Variants in ALDH6A1 observed in about 807,000 individuals in gnomAD.
ALDH6A1 encodes aldehyde dehydrogenase 6 family member A1, also known as methylmalonate-semialdehyde/malonate-semialdehyde dehydrogenase [acylating], mitochondrial.
In ALDH6A1, 43 loss-of-function variants were observed where a neutral mutation model predicts 62.6. The observed-to-expected ratio is 0.69, with a 90% confidence interval of 0.54 to 0.89. ALDH6A1 has a LOEUF of 0.89. Ranked by LOEUF, ALDH6A1 falls within the 40% of genes least tolerant of loss-of-function variation. The probability of loss-of-function intolerance (pLI) is 0.00; values close to 1 mark genes in which losing one functional copy is unlikely to be tolerated. For missense variants in ALDH6A1, 551 were observed against 661.3 expected (o/e 0.83, Z 1.83); for synonymous variants, 194 against 234.2 (o/e 0.83, Z 1.57).
At chr14:74,073,711 G>A (rs998569805) in intron 2 of ALDH6A1, among the ~76,000 whole-genome samples, 2 of 151,884 alleles carry the variant, frequency 1.3e-5, no homozygotes, top group African/African-American at 4.8e-5. Flanking sequence ...GAAGTCAGGA[G>A]TTCTAGACCA....
intron 7 of ALDH6A1, among the ~76,000 whole-genome samples, 188 bp downstream of exon 7, chr14:74,068,672 G>A (rs1381467905): frequency 2.6e-5 from 4 of 152,044 alleles, no homozygotes; most frequent in African/African-American, 9.7e-5. Context: ...GAACCCGGGA[G>A]GCAGAGGTTG....
chr14:74,068,934 C>G lies in ALDH6A1; in HGVS notation c.778G>C (p.Val260Leu), dbSNP rs150419704. ...TACTCTCCTGCCTTGTTGGATCCCA[C>G]AAAGCTGATTGCTTTGATGTCCGGA... ...DHPDIKAISF[V>L]GSNKAGEYIF... is the part of the protein sequence containing the mutation. The change falls in exon 7 of 12, where the codon GTG (valine) becomes CTG (leucine). Residue 260 changes from valine to leucine, a missense_variant. Physicochemically the swap from Val to Leu is conservative, Grantham distance 32. Transcript: ENST00000553458. 17 of 1,613,894 alleles carry G rather than the reference C, an allele frequency of 1.1e-5. No individual in the cohort carries two copies. In the African/African-American group the frequency reaches 2.3e-4, roughly 22 times the overall value.
intron 6 of ALDH6A1, among the ~76,000 whole-genome samples, chr14:74,069,662 A>C (rs2060521868): frequency 6.6e-6 from 1 of 151,842 alleles, no homozygotes; most frequent in South Asian, 2.1e-4. Flanking sequence ...CTGAGGCAGG[A>C]GAATTGCTTG....
At chr14:74,083,958 G>C (rs1413555004) in intron 1 of ALDH6A1, among the ~76,000 whole-genome samples, 1 of 152,214 alleles carries the variant, frequency 6.6e-6, no homozygotes, top group Non-Finnish European at 1.5e-5. Flanking sequence ...AGGGGACAGA[G>C]TAACCAAAAA....
chr14:74,081,007 T>A (rs1369027746), intron 1 of ALDH6A1: 1 of 152,288 alleles, frequency 6.6e-6, no homozygotes, highest in African/African-American at 2.4e-5. Context: ...TTGCACATGC[T>A]GCTCTCTCTT....
intron 1 of ALDH6A1, 74 bp downstream of exon 1, chr14:74,084,273 G>A (rs868612777): frequency 3.1e-6 from 5 of 1,606,768 alleles, no homozygotes; most frequent in Non-Finnish European, 4.2e-6. Context: ...GGTCCCGCCC[G>A]AGGATGGCTC....
intron 1 of ALDH6A1, among the ~76,000 whole-genome samples, chr14:74,080,300 T>C (rs2060657752): frequency 6.6e-6 from 1 of 152,072 alleles, no homozygotes; most frequent in Admixed American, 6.6e-5. Flanking sequence ...TATACCATCA[T>C]TGTCTCTCAC....
At chr14:74,075,666 A>C (rs2060604872) in intron 1 of ALDH6A1, among the ~76,000 whole-genome samples, 1 of 152,148 alleles carries the variant, frequency 6.6e-6, no homozygotes, top group Non-Finnish European at 1.5e-5. Context: ...CAAAAAAAAA[A>C]ATCAATGTAA....
At chr14:74,075,580 C>A (rs1468509) in intron 1 of ALDH6A1, among the ~76,000 whole-genome samples, 8 of 151,492 alleles carry the variant, frequency 5.3e-5, no homozygotes, top group African/African-American at 1.5e-4. Flanking sequence ...TTGCTTCAGC[C>A]CGGGAGGGTG....
Position 74,057,007 on chromosome 14 carries a change from A to C in ALDH6A1, c.*3635T>G, listed in dbSNP as rs1296609223. 1 of 1,600,306 alleles carries C rather than the reference A, an allele frequency of 6.2e-7. No homozygotes were observed. The highest frequency in any genetic ancestry group is 1.3e-5 in the African/African-American group (1 of 74,562). ...TAAGAGCTCTCTTGCTTAAGTAATA[A>C]ACATGAGCCCAACACGATGGTTCTT... On this transcript the variant is annotated 3_prime_UTR_variant, in exon 12 of 12. Transcript: ENST00000553458.
chr14:74,066,609 G>T, intron 9 of ALDH6A1, 96 bp downstream of exon 9: 1 of 1,223,906 alleles, frequency 8.2e-7, no homozygotes, highest in Non-Finnish European at 1.2e-6. Context: ...TAAGGTCTTA[G>T]TCATTAAGTA....
chr14:74,057,382 AT>A lies in ALDH6A1; in HGVS notation c.*3259del, dbSNP rs1566820028. 1 of 1,552,642 alleles carries A rather than the reference AT, an allele frequency of 6.4e-7. No individual in the cohort carries two copies. ...ACTTCAGGGATCAGTGGAATGAGTA[AT>A]AAATAGCATTAGTAGATTACATAAA... On this transcript the variant is annotated 3_prime_UTR_variant, in exon 12 of 12. Coordinates refer to ENST00000553458, the MANE Select transcript of ALDH6A1 (RefSeq NM_005589.4).
rs934574464 is a variant in ALDH6A1 at position 74,069,048 on chromosome 14, C to T, written c.731-67G>A. On this transcript the variant is annotated intron_variant, in intron 6 of 11. Transcript: ENST00000553458. ...GGATTCTCAACATGGCAAATTTCCC[C>T]TTTCCCCACTGCTATGGATTTGAAG... is the stretch of plus-strand genomic sequence containing the variant. 2.4e-5 allele frequency: 36 copies of T among 1,503,104 alleles called. No individual in the cohort carries two copies. The African/African-American group carries it at 4.0e-4, about 17-fold the overall frequency. The allele number at this position is 1,503,104 out of a possible 1,614,324, so 93.1% of individuals were successfully genotyped here.
Position 74,084,433 on chromosome 14 carries a change from C to A in ALDH6A1, c.-39G>T, listed in dbSNP as rs900361560. On this transcript the variant is annotated 5_prime_UTR_variant, in exon 1 of 12. Coordinates refer to ENST00000553458, the MANE Select transcript of ALDH6A1 (RefSeq NM_005589.4). ...CCTAGCTCCGCACCCCGCGCCTCTA[C>A]TGCCCAGAAGCACTACAGCTGCCAG... The A allele has an allele frequency of 3.7e-6, 6 of 1,610,392 alleles. No individual in the cohort carries two copies. Among genetic ancestry groups the A allele is most frequent in the Admixed American group, 1.7e-5 (1 of 59,794 alleles).
chr14:74,065,127 T>C, intron 10 of ALDH6A1, 54 bp downstream of exon 10: 2 of 1,598,284 alleles, frequency 1.3e-6, no homozygotes, highest in Non-Finnish European at 1.7e-6. Flanking sequence ...TACTGTTTCC[T>C]CTTAGGAAAT....
chr14:74,079,770 T>C (rs2060653253), intron 1 of ALDH6A1, among the ~76,000 whole-genome samples: 1 of 152,152 alleles, frequency 6.6e-6, no homozygotes, highest in Admixed American at 6.5e-5. Context: ...GGTTTTGTCA[T>C]GTTGGCCAGG....
chr14:74,067,442 C>G lies in ALDH6A1; in HGVS notation c.980G>C (p.Gly327Ala). 6.2e-7 allele frequency: 1 copy of G among 1,614,136 alleles called. No homozygotes were observed. Among genetic ancestry groups the G allele is most frequent in the Non-Finnish European group, 8.5e-7 (1 of 1,180,044 alleles). Residue 327 changes from glycine (G) to alanine (A), a missense_variant, in exon 8 of 12, where the codon GGA becomes GCA. Gly to Ala is a moderately conservative substitution (Grantham distance 60). Coordinates refer to ENST00000553458, the MANE Select transcript of ALDH6A1 (RefSeq NM_005589.4). ...CMALSTAVLV[G>A]EAKKWLPELV... ...CTCTGGCAGCCACTTCTTGGCTTCTCCCACAAGGACTGCTGTTGAAAGAGC... is the reference window on the plus strand; with the variant it reads ...CTCTGGCAGCCACTTCTTGGCTTCTGCCACAAGGACTGCTGTTGAAAGAGC...
chr14:74,062,085 G>A (rs999633313), intron 11 of ALDH6A1, among the ~76,000 whole-genome samples: 8 of 147,158 alleles, frequency 5.4e-5, no homozygotes, highest in African/African-American at 2.0e-4. Flanking sequence ...AAAAAAGCTG[G>A]GCGTGGTGGA....
At position 74,060,305 on chromosome 14, in the gene ALDH6A1, AT is replaced by A; in HGVS notation, c.*336del. The A allele has an allele frequency of 3.5e-6, 1 of 289,776 alleles. No individual in the cohort carries two copies. Among genetic ancestry groups the A allele is most frequent in the African/African-American group, 2.2e-5 (1 of 46,262 alleles). 18.0% of individuals were successfully genotyped at this position (289,776 alleles called of 1,614,324 possible). On this transcript the variant is annotated 3_prime_UTR_variant, in exon 12 of 12. Coordinates refer to ENST00000553458, the MANE Select transcript of ALDH6A1 (RefSeq NM_005589.4). ...GTGAGCCACCGCGCCTGGCTGGAACATTTTCTTTACATACACTGGCTTTTCT... is the reference window on the plus strand; with the variant it reads ...GTGAGCCACCGCGCCTGGCTGGAACATTTCTTTACATACACTGGCTTTTCT...
Sources: gnomAD v4.1 joint callset for allele counts (sites outside exome capture counted in the v4.1 genomes callset) on GRCh38, gnomAD v4.1.1 for gene constraint, MANE v1.5 for transcripts, NCBI Gene and HGNC (gene_info 2026-07-23, HGNC 2026-07-21) for gene names.